Variants in PCDHGA12 observed in about 807,000 individuals in gnomAD.
PCDHGA12 encodes the protein protocadherin gamma-A12.
A neutral mutation model predicts 61.1 loss-of-function variants in PCDHGA12; 43 were observed. That is an observed-to-expected ratio of 0.70 (90% CI 0.55 to 0.91). The LOEUF (loss-of-function observed/expected upper bound fraction) is 0.91. PCDHGA12 is among the 40% of genes least tolerant of loss of function. The pLI, the probability that PCDHGA12 is intolerant of heterozygous loss-of-function variation, is 0.00. For missense variants in PCDHGA12, 1,236 were observed against 1,227.7 expected (o/e 1.01, Z -0.10); for synonymous variants, 520 against 542.9 (o/e 0.96, Z 0.59).
At chr5:141,507,121 G>A (rs940889204) in intron 3 of PCDHGA12, 1 of 152,126 alleles carries the variant, frequency 6.6e-6, no homozygotes, top group African/African-American at 2.4e-5. Flanking sequence ...GGCTGCCTTT[G>A]GATCCAGCCT....
At chr5:141,495,605 T>G (rs1201224193) in intron 2 of PCDHGA12, among the ~76,000 whole-genome samples, 2 of 152,228 alleles carry the variant, frequency 1.3e-5, no homozygotes, top group African/African-American at 2.4e-5. Context: ...GCTTCCGTCT[T>G]GATTGCTGCA....
chr5:141,490,956 A>T lies in PCDHGA12; in HGVS notation c.2425-3851A>T. 1.2e-6 allele frequency: 2 copies of T among 1,613,828 alleles called. No homozygotes were observed. The highest frequency in any genetic ancestry group is 1.7e-6 in the Non-Finnish European group (2 of 1,179,852). ...TGCTGCACCCACGGCCAGACTGGGA[A>T]CACTCAGCCCCCCAGCGTCTCCCTC... On this transcript the variant is annotated intron_variant, in intron 1 of 3. Transcript: ENST00000252085. The surrounding 1 kb of genome is among the most constrained non-coding windows in gnomAD (Gnocchi z 5.4).
Position 141,490,644 on chromosome 5 carries a change from T to G in PCDHGA12, c.2425-4163T>G, listed in dbSNP as rs772742713. 1 of 1,614,188 alleles carries G rather than the reference T, an allele frequency of 6.2e-7. No individual in the cohort carries two copies. Among genetic ancestry groups the G allele is most frequent in the Non-Finnish European group, 8.5e-7 (1 of 1,180,016 alleles). The stretch of plus-strand genomic sequence containing the variant: ...CTGCTTACATCCTAGAAAACCGGCC[T>G]CCGGGCTCCCTTCTTTGCACTGTGG... On this transcript the variant is annotated intron_variant, in intron 1 of 3. Transcript: ENST00000252085. The surrounding 1 kb of genome is among the most constrained non-coding windows in gnomAD (Gnocchi z 5.4).
chr5:141,464,180 G>T (rs1251683320), intron 1 of PCDHGA12, among the ~76,000 whole-genome samples: 1 of 151,340 alleles, frequency 6.6e-6, no homozygotes, highest in Non-Finnish European at 1.5e-5. Flanking sequence ...CAGGAGAATT[G>T]CTTGATTTCA....
Position 141,490,398 on chromosome 5 carries a change from C to A in PCDHGA12, c.2425-4409C>A. 1 of 1,614,168 alleles carries A rather than the reference C, an allele frequency of 6.2e-7. No homozygotes were observed. Among genetic ancestry groups the A allele is most frequent in the South Asian group, 1.1e-5 (1 of 91,088 alleles). On this transcript the variant is annotated intron_variant, in intron 1 of 3. Coordinates refer to ENST00000252085, the MANE Select transcript of PCDHGA12 (RefSeq NM_003735.3). This position sits in a 1 kb window ranked among gnomAD's most constrained non-coding sequence, Gnocchi z 5.4. ...ACTCAGGTAGAAATGGTGAAGTGAG[C>A]CTTGATATCTCTCCGGACCTGCCAT...
intron 1 of PCDHGA12, among the ~76,000 whole-genome samples, chr5:141,460,709 A>G (rs2098995845): frequency 6.6e-6 from 1 of 151,794 alleles, no homozygotes; most frequent in Non-Finnish European, 1.5e-5. Flanking sequence ...ATGAGAATAA[A>G]CTATTGTTAT....
At position 141,476,902 on chromosome 5, in the gene PCDHGA12, C is replaced by T. The variant is rs1399250599; in HGVS notation, c.2425-17905C>T. ...TGGAGGATGCACCCTCCGGCACGCG[C>T]GTGGTACAAGTCCTTGCAACGGATC... On this transcript the variant is annotated intron_variant, in intron 1 of 3. Transcript: ENST00000252085. This position sits in a 1 kb window ranked among gnomAD's most constrained non-coding sequence, Gnocchi z 7.6. 2 of 1,613,998 alleles carry T rather than the reference C, an allele frequency of 1.2e-6. No individual in the cohort carries two copies. The highest frequency in any genetic ancestry group is 1.7e-6 in the Non-Finnish European group (2 of 1,180,034).
At position 141,489,474 on chromosome 5, in the gene PCDHGA12, C is replaced by T. The variant is rs772297075; in HGVS notation, c.2425-5333C>T. On this transcript the variant is annotated intron_variant, in intron 1 of 3. Transcript: ENST00000252085. The surrounding 1 kb of genome is among the most constrained non-coding windows in gnomAD (Gnocchi z 4.5). ...AGAATGGGCGCTATTTTTCCCTGAG[C>T]TTGATGAGTGGTGCCCTGGCAGTGA... 6.2e-7 allele frequency: 1 copy of T among 1,614,108 alleles called. No individual in the cohort carries two copies. The highest frequency in any genetic ancestry group is 8.5e-7 in the Non-Finnish European group (1 of 1,180,034).
intron 1 of PCDHGA12, among the ~76,000 whole-genome samples, chr5:141,458,102 A>G (rs1314999618): frequency 6.6e-6 from 1 of 152,246 alleles, no homozygotes; most frequent in Admixed American, 6.5e-5. Context: ...GTACTTACAG[A>G]TAGTCTCCAA....
At chr5:141,447,027 T>TG (rs563674341) in intron 1 of PCDHGA12, among the ~76,000 whole-genome samples, 103 of 152,252 alleles carry the variant, frequency 6.8e-4, no homozygotes, top group South Asian at 2.3e-3. Flanking sequence ...TGTTTTGTTT[T>TG]TTTTCTGTGT....
Position 141,477,395 on chromosome 5 carries a change from A to G in PCDHGA12, c.2425-17412A>G. The G allele has an allele frequency of 1.9e-6, 3 of 1,614,126 alleles. No individual in the cohort carries two copies. The highest frequency in any genetic ancestry group is 1.3e-5 in the African/African-American group (1 of 75,020). ...GACTGTGCCAGAATACAACCTCAGC[A>G]TCACCGCCCGAGACGCCGGAACCCC... On this transcript the variant is annotated intron_variant, in intron 1 of 3. Transcript: ENST00000252085. The surrounding 1 kb of genome is among the most constrained non-coding windows in gnomAD (Gnocchi z 4.9).
Position 141,503,989 on chromosome 5 carries a change from C to T in PCDHGA12, c.2484-1404C>T, listed in dbSNP as rs534696225. Among the ~76,000 whole-genome samples the T allele has an allele frequency of 2.6e-5, 4 of 152,312 alleles. No individual in the cohort carries two copies. The South Asian group carries it at 8.3e-4, about 32-fold the overall frequency. On this transcript the variant is annotated intron_variant, in intron 2 of 3. Transcript: ENST00000252085. ...CATGGTGCCAAACCCTTCTTCTTAC[C>T]TTACAGTCACTTAACTGTCTCTGCT...
Position 141,487,535 on chromosome 5 carries a change from G to A in PCDHGA12, c.2425-7272G>A. 6.2e-7 allele frequency: 1 copy of A among 1,614,154 alleles called. No individual in the cohort carries two copies. Among genetic ancestry groups the A allele is most frequent in the South Asian group, 1.1e-5 (1 of 91,084 alleles). ...CACTCGGAGTGATAGCTTCATGATG[G>A]TGAAGTCACCCAGTGCACCTATGGC... On this transcript the variant is annotated intron_variant, in intron 1 of 3. Transcript: ENST00000252085. This position sits in a 1 kb window ranked among gnomAD's most constrained non-coding sequence, Gnocchi z 5.0.
At chr5:141,439,029 G>A (rs2098083069) in intron 1 of PCDHGA12, among the ~76,000 whole-genome samples, 1 of 151,510 alleles carries the variant, frequency 6.6e-6, no homozygotes, top group Non-Finnish European at 1.5e-5. Flanking sequence ...GAAAATAGAT[G>A]CCTCAGTTCA....
At chr5:141,441,615 G>A in intron 1 of PCDHGA12, 1 of 219,248 alleles carries the variant, frequency 4.6e-6, no homozygotes, top group Non-Finnish European at 9.2e-6. Context: ...TTCCATCGTG[G>A]CCAGTGACCT....
chr5:141,437,331 A>T (rs2097876062), intron 1 of PCDHGA12, among the ~76,000 whole-genome samples: 1 of 152,244 alleles, frequency 6.6e-6, no homozygotes, highest in South Asian at 2.1e-4. Context: ...TAAAATTTGT[A>T]GCTTCACTGT....
chr5:141,504,583 A>C (rs1230825472), intron 2 of PCDHGA12, among the ~76,000 whole-genome samples: 5 of 146,622 alleles, frequency 3.4e-5, no homozygotes, highest in Non-Finnish European at 7.4e-5. Context: ...CCATCTGCCC[A>C]GGATTCACAG....
chr5:141,451,523 A>G (rs1035983001), intron 1 of PCDHGA12, among the ~76,000 whole-genome samples: 1 of 152,200 alleles, frequency 6.6e-6, no homozygotes, highest in African/African-American at 2.4e-5. Flanking sequence ...AGAGCAAGTA[A>G]AGGAGAGTGC....
At position 141,490,479 on chromosome 5, in the gene PCDHGA12, C is replaced by T; in HGVS notation, c.2425-4328C>T. 11 of 1,614,216 alleles carry T rather than the reference C, an allele frequency of 6.8e-6. No homozygotes were observed. Among genetic ancestry groups the T allele is most frequent in the Non-Finnish European group, 9.3e-6 (11 of 1,180,032 alleles). ...CGCTGCTAACCAGCCAGCCTTTGGACCGGGAGGCCACATCCCACTATATCA... is the reference window on the plus strand; with the variant it reads ...CGCTGCTAACCAGCCAGCCTTTGGATCGGGAGGCCACATCCCACTATATCA... On this transcript the variant is annotated intron_variant, in intron 1 of 3. Coordinates refer to ENST00000252085, the MANE Select transcript of PCDHGA12 (RefSeq NM_003735.3). This position sits in a 1 kb window ranked among gnomAD's most constrained non-coding sequence, Gnocchi z 5.4.
Sources: gnomAD v4.1 joint callset for allele counts (sites outside exome capture counted in the v4.1 genomes callset) on GRCh38, gnomAD v4.1.1 for gene constraint, Gnocchi (gnomAD v3.1) non-coding constraint, MANE v1.5 for transcripts, NCBI Gene and HGNC (gene_info 2026-07-23, HGNC 2026-07-21) for gene names.